SLC13A3: variants seen among roughly 807,000 people sequenced by gnomAD.
The protein encoded by SLC13A3 is solute carrier family 13 member 3, also known as Na(+)/dicarboxylate cotransporter 3.
In SLC13A3, 40 loss-of-function variants were observed where a neutral mutation model predicts 59.0. The ratio of observed to expected loss-of-function variants is 0.68; its 90% CI spans 0.53 to 0.88. SLC13A3 has a LOEUF of 0.88. Ranked by LOEUF, SLC13A3 falls within the 40% of genes least tolerant of loss-of-function variation. SLC13A3 has a pLI of 0.00. For missense variants in SLC13A3, 699 were observed against 783.2 expected, an observed-to-expected ratio of 0.89 and a Z score of 1.28; for synonymous variants, 317 against 330.3, an observed-to-expected ratio of 0.96 and a Z score of 0.44.
intron 1 of SLC13A3, among the ~76,000 whole-genome samples, chr20:46,682,776 A>G (rs909228233): frequency 6.6e-6 from 1 of 152,162 alleles, no homozygotes; most frequent in Non-Finnish European, 1.5e-5. Flanking sequence ...CTCCACCATA[A>G]AATGGAGATT....
At chr20:46,645,784 T>C (rs1308662201) in intron 1 of SLC13A3, among the ~76,000 whole-genome samples, 6 of 152,194 alleles carry the variant, frequency 3.9e-5, no homozygotes, top group Admixed American at 2.0e-4. Context: ...TATTTACCTA[T>C]CAATTGCTAG....
Position 46,675,465 on chromosome 20 carries a change from C to T in SLC13A3, c.-31+8931G>A, listed in dbSNP as rs8124332. 5.1e-3 allele frequency among the ~76,000 whole-genome samples: 731 copies of T among 144,452 alleles called. 5 individuals carry two copies. The highest frequency in any genetic ancestry group is 0.017 in the African/African-American group (667 of 38,584). 94.8% of individuals were successfully genotyped at this position (144,452 alleles called of 152,430 possible). On this transcript the variant is annotated intron_variant, in intron 1 of 6. Coordinates refer to the SLC13A3 transcript ENST00000372121. ...TTCACCGTGTTGCTCAGGCTGGTCT[C>T]GAACTTCTGAGCTCAGGCAATCTGC...
chr20:46,609,714 TC>T (rs1215707151), intron 3 of SLC13A3, among the ~76,000 whole-genome samples: 2 of 152,194 alleles, frequency 1.3e-5, no homozygotes, highest in Non-Finnish European at 2.9e-5. Flanking sequence ...CTAATTCTTC[TC>T]TCTTTTAAAA....
Position 46,591,177 on chromosome 20 carries a change from T to C in SLC13A3, c.920+1227A>G, listed in dbSNP as rs553327384. On this transcript the variant is annotated intron_variant, in intron 6 of 12. Transcript: ENST00000279027. ...ATGAGACTTTGTCTAAATAAATAAA[T>C]AAATAAATAAATAAATAAACAAACA... Among the ~76,000 whole-genome samples, 30 of 147,938 alleles carry C rather than the reference T, an allele frequency of 2.0e-4. No individual in the cohort carries two copies. In the South Asian group the frequency reaches 5.1e-3, roughly 25 times the overall value.
intron 3 of SLC13A3, among the ~76,000 whole-genome samples, chr20:46,601,246 G>A (rs1439851857): frequency 1.3e-5 from 2 of 152,338 alleles, no homozygotes; most frequent in East Asian, 3.9e-4. Context: ...CCTGGTCCGA[G>A]AGAATGGACG....
At chr20:46,597,368 A>C (rs2062323998) in intron 4 of SLC13A3, among the ~76,000 whole-genome samples, 1 of 152,220 alleles carries the variant, frequency 6.6e-6, no homozygotes, top group Non-Finnish European at 1.5e-5. Context: ...TGAAGAAAAA[A>C]ATGTGAAATA....
At chr20:46,671,518 A>T (rs78302776), upstream of SLC13A3, among the ~76,000 whole-genome samples, 4,138 of 146,042 alleles carry the variant, frequency 0.028, 141 homozygotes, top group African/African-American at 0.085. Context: ...AATCCTCATT[A>T]AAAAAAAAAG....
intron 1 of SLC13A3, among the ~76,000 whole-genome samples, chr20:46,624,180 C>A (rs564347853): frequency 6.6e-6 from 1 of 152,270 alleles, no homozygotes; most frequent in East Asian, 1.9e-4. Context: ...ACAGGAACCC[C>A]ATCCTTCTAG....
chr20:46,579,323 T>C (rs745876818), intron 9 of SLC13A3, among the ~76,000 whole-genome samples: 13 of 152,002 alleles, frequency 8.6e-5, no homozygotes, highest in Non-Finnish European at 1.8e-4. Context: ...CAGGCTCTTG[T>C]TATGTGGCCC....
At chr20:46,601,528 A>G (rs1421246184) in intron 3 of SLC13A3, among the ~76,000 whole-genome samples, 1 of 152,182 alleles carries the variant, frequency 6.6e-6, no homozygotes, top group African/African-American at 2.4e-5. Flanking sequence ...AAAAGATGAA[A>G]GTCCATGTCC....
chr20:46,650,422 A>G (rs2062941322), intron 1 of SLC13A3, among the ~76,000 whole-genome samples: 1 of 152,186 alleles, frequency 6.6e-6, no homozygotes, highest in Non-Finnish European at 1.5e-5. Flanking sequence ...AAATGATTAA[A>G]TAAAGTGATA....
At chr20:46,576,682 C>T (rs1161332027) in intron 9 of SLC13A3, among the ~76,000 whole-genome samples, 1 of 152,100 alleles carries the variant, frequency 6.6e-6, no homozygotes, top group East Asian at 1.9e-4. Context: ...GGTAATCACT[C>T]CTGAAATAGG....
upstream of SLC13A3, among the ~76,000 whole-genome samples, chr20:46,673,099 T>A (rs1029987559): frequency 1.3e-5 from 2 of 152,162 alleles, no homozygotes; most frequent in Non-Finnish European, 2.9e-5. Context: ...TGAGCCTCCA[T>A]GGCCTTGTGG....
chr20:46,677,470 G>A (rs1311010543), intron 1 of SLC13A3, among the ~76,000 whole-genome samples: 2 of 152,116 alleles, frequency 1.3e-5, no homozygotes, highest in Non-Finnish European at 2.9e-5. Flanking sequence ...GATCGAATGG[G>A]GGCGAGGGGA....
Position 46,568,175 on chromosome 20 carries a change from C to T in SLC13A3, c.1333-1785G>A, listed in dbSNP as rs907094361. 3.3e-5 allele frequency among the ~76,000 whole-genome samples: 5 copies of T among 151,898 alleles called. No individual in the cohort carries two copies. The East Asian group carries it at 9.7e-4, about 29-fold the overall frequency. Reference sequence around the variant, plus strand: ...TTTAGAGGCCAAGGTGGGCAGGTCGCTTGAGGTCAGGAGTGCGAGATCAGA... The same window carrying T: ...TTTAGAGGCCAAGGTGGGCAGGTCGTTTGAGGTCAGGAGTGCGAGATCAGA... On this transcript the variant is annotated intron_variant, in intron 10 of 12. Coordinates refer to ENST00000279027, the MANE Select transcript of SLC13A3 (RefSeq NM_022829.6).
chr20:46,681,525 C>A (rs2063153693), intron 1 of SLC13A3, among the ~76,000 whole-genome samples: 1 of 152,028 alleles, frequency 6.6e-6, no homozygotes, highest in East Asian at 1.9e-4. Flanking sequence ...ATGACAGTAA[C>A]TTACGACCCC....
At chr20:46,644,905 C>A (rs1600606907) in intron 1 of SLC13A3, among the ~76,000 whole-genome samples, 1 of 152,176 alleles carries the variant, frequency 6.6e-6, no homozygotes, top group East Asian at 1.9e-4. Flanking sequence ...GTGGTTTTGC[C>A]ATGTATTCAT....
intron 3 of SLC13A3, 69 bp from the exon 4 acceptor site, chr20:46,600,106 GAAGT>G (rs1258868275): frequency 1.6e-6 from 2 of 1,226,636 alleles, no homozygotes. Flanking sequence ...CAAATCTTGT[GAAGT>G]CAGTCAAGAA....
intron 10 of SLC13A3, among the ~76,000 whole-genome samples, chr20:46,569,955 A>T (rs1425094021): frequency 6.6e-6 from 1 of 152,244 alleles, no homozygotes; most frequent in Non-Finnish European, 1.5e-5. Context: ...AATACCCTTG[A>T]AAATCTTTTA....
Sources: gnomAD v4.1 joint callset for allele counts (sites outside exome capture counted in the v4.1 genomes callset) on GRCh38, gnomAD v4.1.1 for gene constraint, MANE v1.5 for transcripts, NCBI Gene and HGNC (gene_info 2026-07-23, HGNC 2026-07-21) for gene names.